The following GREB1 variants were observed in gnomAD, a reference collection of about 807,000 sequenced individuals.
GREB1 encodes the protein protein GREB1.
A neutral mutation model predicts 200.7 loss-of-function variants in GREB1; 106 were observed. That is an observed-to-expected ratio of 0.53 (90% CI 0.45 to 0.62). GREB1 has a LOEUF of 0.62. Among genes scored for constraint, GREB1 ranks in the 20% least tolerant of loss-of-function variants. The pLI, the probability that GREB1 is intolerant of heterozygous loss-of-function variation, is 0.00. For missense variants in GREB1, 2,243 were observed against 2,556.8 expected (o/e 0.88, Z 2.65); for synonymous variants, 1,132 against 1,092.4 (o/e 1.04, Z -0.72).
chr2:11,586,442 C>T (rs1022553640), intron 9 of GREB1, among the ~76,000 whole-genome samples: 5 of 152,216 alleles, frequency 3.3e-5, no homozygotes, highest in African/African-American at 7.2e-5. Context: ...GGCTAACGTA[C>T]GCTACGTGGG....
At chr2:11,587,321 T>C (rs1436171751) in intron 9 of GREB1, 27 of 1,235,652 alleles carry the variant, frequency 2.2e-5, no homozygotes, top group Non-Finnish European at 3.0e-5. Flanking sequence ...CCCTCTTTTA[T>C]GACAAATGTC....
At chr2:11,632,517 T>C (rs1003000034) in intron 27 of GREB1, among the ~76,000 whole-genome samples, 3 of 152,124 alleles carry the variant, frequency 2.0e-5, no homozygotes, top group Non-Finnish European at 4.4e-5. Flanking sequence ...TTTTGTGTTT[T>C]TGTAGAGACG....
chr2:11,511,338 C>G (rs1001509523), intron 1 of GREB1, among the ~76,000 whole-genome samples: 1 of 152,084 alleles, frequency 6.6e-6, no homozygotes, highest in African/African-American at 2.4e-5. Context: ...CCCCAGATTG[C>G]GTAGCCAGGA....
chr2:11,602,013 T>C (rs1344757376), intron 16 of GREB1, among the ~76,000 whole-genome samples: 2 of 152,264 alleles, frequency 1.3e-5, no homozygotes, highest in Non-Finnish European at 2.9e-5. Context: ...GTAAATGTTT[T>C]CTTTGTCTAT....
At chr2:11,577,631 C>T (rs1178943091) in intron 5 of GREB1, among the ~76,000 whole-genome samples, 3 of 152,196 alleles carry the variant, frequency 2.0e-5, no homozygotes, top group Admixed American at 6.5e-5. Flanking sequence ...GTGTCCCTCC[C>T]TTGTCTGTGT....
At chr2:11,562,728 C>G in intron 3 of GREB1, 146 bp downstream of exon 3, 2 of 935,138 alleles carry the variant, frequency 2.1e-6, no homozygotes, top group Non-Finnish European at 3.1e-6. Flanking sequence ...GAGCCATGCC[C>G]CTGGGCCCGC....
At chr2:11,541,642 T>C (rs1674764834) in intron 1 of GREB1, among the ~76,000 whole-genome samples, 1 of 152,206 alleles carries the variant, frequency 6.6e-6, no homozygotes, top group Non-Finnish European at 1.5e-5. Context: ...TCTTGGTCTA[T>C]TGCAGTATCC....
chr2:11,491,412 T>G (rs533526449), intron 1 of GREB1, among the ~76,000 whole-genome samples: 1 of 152,330 alleles, frequency 6.6e-6, no homozygotes, highest in South Asian at 2.1e-4. Flanking sequence ...AAGGCTGAGT[T>G]AAAGCTAAAG....
Position 11,612,533 on chromosome 2 carries a change from G to C in GREB1, c.3045G>C (p.Gln1015His), listed in dbSNP as rs757280928. ...TTGAGGATGTGGAGTGGAGACCCCA[G>C]ACTTACTTGGAGCTGGAGGGTCTGC... Reference protein sequence around the residue: ...QKIEDVEWRPQTYLELEGLPC... With the variant: ...QKIEDVEWRPHTYLELEGLPC... Residue 1015 changes from glutamine (Q) to histidine (H), a missense_variant, in exon 19 of 33, where the codon CAG becomes CAC. Around this residue, in one of 3 missense-constraint regions of GREB1, gnomAD observed 1,178 missense variants for 1,387.4 expected, o/e 0.85. Transcript: ENST00000381486. 1.9e-6 allele frequency: 3 copies of C among 1,613,036 alleles called. No homozygotes were observed. In the South Asian group the frequency reaches 3.3e-5, roughly 18 times the overall value.
chr2:11,591,122 G>GT (rs1026924628), intron 10 of GREB1, among the ~76,000 whole-genome samples: 68 of 152,336 alleles, frequency 4.5e-4, no homozygotes, highest in African/African-American at 1.6e-3. Context: ...TCAAAGGAAA[G>GT]TTTTTAAAGA....
At chr2:11,631,227 C>T (rs1163273813) in intron 26 of GREB1, among the ~76,000 whole-genome samples, 1 of 152,128 alleles carries the variant, frequency 6.6e-6, no homozygotes, top group Non-Finnish European at 1.5e-5. Context: ...GCCAGTTGAA[C>T]TTATTGTTAA....
chr2:11,638,599 C>G, intron 31 of GREB1, 72 bp from the exon 32 acceptor site: 1 of 1,433,252 alleles, frequency 7.0e-7, no homozygotes, highest in South Asian at 1.3e-5. Flanking sequence ...TTACTAGGTG[C>G]AAACCTGTAG....
At chr2:11,537,736 T>C (rs1056349997) in intron 1 of GREB1, among the ~76,000 whole-genome samples, 11 of 147,606 alleles carry the variant, frequency 7.5e-5, no homozygotes, top group Admixed American at 4.1e-4. Context: ...ATATAATATA[T>C]AATAATATAT....
At chr2:11,625,378 C>T in intron 24 of GREB1, 66 bp downstream of exon 24, 1 of 1,508,364 alleles carries the variant, frequency 6.6e-7, no homozygotes, top group Non-Finnish European at 9.2e-7. Flanking sequence ...AAGGGATGAG[C>T]TGGATTTTGT....
chr2:11,512,566 A>T (rs1214286456), intron 1 of GREB1, among the ~76,000 whole-genome samples: 1 of 152,224 alleles, frequency 6.6e-6, no homozygotes, highest in Non-Finnish European at 1.5e-5. Context: ...TAGACCAAGG[A>T]TTGTTGAAGA....
chr2:11,599,756 G>A (rs919191333), intron 15 of GREB1, among the ~76,000 whole-genome samples: 6 of 152,150 alleles, frequency 3.9e-5, no homozygotes, highest in Middle Eastern at 3.4e-3. Flanking sequence ...TCCTGACCTC[G>A]TGATCCGCCC....
At chr2:11,612,086 C>T (rs1320514593) in intron 18 of GREB1, among the ~76,000 whole-genome samples, 2 of 150,860 alleles carry the variant, frequency 1.3e-5, no homozygotes, top group Non-Finnish European at 1.5e-5. Flanking sequence ...CCCAGCTACT[C>T]GGGAGGCTGA....
intron 17 of GREB1, among the ~76,000 whole-genome samples, chr2:11,609,591 G>A (rs1288005067): frequency 6.6e-6 from 1 of 152,198 alleles, no homozygotes; most frequent in Non-Finnish European, 1.5e-5. Context: ...TCATGCCAGA[G>A]TCTGTGGACC....
chr2:11,524,051 T>TCACACA lies in GREB1; in HGVS notation c.-158-32391_-158-32386dup, dbSNP rs144358585. Reference sequence around the variant, plus strand: ...GAAATGCACACACGTGCATGCACACTCACACACACACACACACACAGAGTA... The same window carrying TCACACA: ...GAAATGCACACACGTGCATGCACACTCACACACACACACACACACACACACAGAGTA... On this transcript the variant is annotated intron_variant, in intron 1 of 2. Coordinates refer to the GREB1 transcript ENST00000628795. 5.8e-4 allele frequency among the ~76,000 whole-genome samples: 88 copies of TCACACA among 150,484 alleles called. No individual in the cohort carries two copies. In the East Asian group the frequency reaches 6.8e-3, roughly 12 times the overall value.
Sources: gnomAD v4.1 joint callset for allele counts (sites outside exome capture counted in the v4.1 genomes callset) on GRCh38, gnomAD v4.1.1 for gene constraint, gnomAD v4.1.1 regional missense constraint, MANE v1.5 for transcripts, NCBI Gene and HGNC (gene_info 2026-07-23, HGNC 2026-07-21) for gene names.